FMN1: variants seen among roughly 807,000 people sequenced by gnomAD.
FMN1 encodes the protein formin 1.
A neutral mutation model predicts 132.4 loss-of-function variants in FMN1; 110 were observed. The ratio of observed to expected loss-of-function variants is 0.83; its 90% CI spans 0.71 to 0.97. FMN1 has a LOEUF of 0.97. Among genes scored for constraint, FMN1 ranks in the 50% least tolerant of loss-of-function variants. The pLI is 0.00. For missense variants in FMN1, 1,792 were observed against 1,705.3 expected, an observed-to-expected ratio of 1.05 and a Z score of -0.90; for synonymous variants, 722 against 651.7, an observed-to-expected ratio of 1.11 and a Z score of -1.64.
Position 33,154,981 on chromosome 15 carries a change from G to A in FMN1, c.-67C>T, listed in dbSNP as rs1249310167. The stretch of plus-strand genomic sequence containing the variant: ...TGGTCAGGCTTCCCAGGCTCCAGTG[G>A]TGAGGCATGTGATGGTGGCTATGCA... On this transcript the variant is annotated 5_prime_UTR_variant, in exon 4 of 21. Transcript: ENST00000616417. The A allele has an allele frequency of 7.7e-7, 1 of 1,294,558 alleles. No homozygotes were observed. Among genetic ancestry groups the A allele is most frequent in the Non-Finnish European group, 1.0e-6 (1 of 961,854 alleles). 80.2% of individuals were successfully genotyped at this position (1,294,558 alleles called of 1,614,324 possible).
chr15:32,783,744 CAAAAAAAAAAAAAAAAAAAAAAA>C (rs533699379), intron 19 of FMN1, among the ~76,000 whole-genome samples: 1 of 64,200 alleles, frequency 1.6e-5, no homozygotes, highest in Admixed American at 1.9e-4. Context: ...GACTCTGTTT[CAAAAAAAAAAAAAAAAAAAAAAA>C]AAAAAAAAAA....
intron 15 of FMN1, among the ~76,000 whole-genome samples, chr15:32,891,011 A>T (rs1381337632): frequency 1.3e-5 from 2 of 151,968 alleles, no homozygotes; most frequent in Non-Finnish European, 2.9e-5. Context: ...TTCCCACTTT[A>T]TATTTTTGTT....
At chr15:33,027,071 A>G (rs1048985357) in intron 6 of FMN1, among the ~76,000 whole-genome samples, 4 of 151,802 alleles carry the variant, frequency 2.6e-5, no homozygotes, top group African/African-American at 9.7e-5. Context: ...CCTAACAGAC[A>G]TATTTTTTTT....
chr15:33,107,360 T>C (rs2039526591), intron 4 of FMN1, among the ~76,000 whole-genome samples: 1 of 152,022 alleles, frequency 6.6e-6, no homozygotes. Flanking sequence ...CAACGATCTT[T>C]TAAAAATGTC....
Position 33,154,067 on chromosome 15 carries a change from C to T in FMN1, c.848G>A (p.Arg283Lys), listed in dbSNP as rs567138390. The part of the protein sequence containing the change: ...STEAGGDGIR[R>K]PPSGLEHQQT... ...CTGATGCTCCAGCCCGCTCGGCGGC[C>T]TCCGAATGCCATCCCCTCCTGCCTC... Residue 283 changes from arginine to lysine, a missense_variant, in exon 4 of 21, where the codon AGG becomes AAG. Coordinates refer to ENST00000616417, the MANE Select transcript of FMN1 (RefSeq NM_001277313.2). The T allele has an allele frequency of 3.4e-4, 516 of 1,536,064 alleles. 4 individuals carry two copies. The African/African-American group carries it at 6.0e-3, about 18-fold the overall frequency.
intron 5 of FMN1, among the ~76,000 whole-genome samples, chr15:33,079,201 A>G (rs1461905978): frequency 1.3e-5 from 2 of 152,212 alleles, no homozygotes; most frequent in African/African-American, 4.8e-5. Context: ...TGTATTTCTC[A>G]TCAGAATAGG....
intron 7 of FMN1, among the ~76,000 whole-genome samples, chr15:32,994,879 T>C (rs903378711): frequency 2.0e-5 from 3 of 152,346 alleles, no homozygotes; most frequent in Non-Finnish European, 2.9e-5. Context: ...TATGGACTTA[T>C]GTGCACTTTG....
chr15:32,815,221 C>T (rs1054642462), intron 17 of FMN1, among the ~76,000 whole-genome samples: 1 of 152,158 alleles, frequency 6.6e-6, no homozygotes, highest in African/African-American at 2.4e-5. Flanking sequence ...GGATTACAGG[C>T]GTGAGCCATC....
At chr15:32,819,959 T>A (rs2058165578) in intron 17 of FMN1, among the ~76,000 whole-genome samples, 1 of 152,220 alleles carries the variant, frequency 6.6e-6, no homozygotes, top group Non-Finnish European at 1.5e-5. Context: ...CTTTGATGTA[T>A]TTTTAAGATT....
chr15:32,776,744 A>G, intron 20 of FMN1, 91 bp downstream of exon 20: 1 of 685,518 alleles, frequency 1.5e-6, no homozygotes, highest in Non-Finnish European at 2.5e-6. Context: ...GAGAATCTGG[A>G]TACTATGTTT....
chr15:33,044,791 A>G lies in FMN1; in HGVS notation c.2161+20166T>C, dbSNP rs144070103. On this transcript the variant is annotated intron_variant, in intron 6 of 20. Coordinates refer to ENST00000616417, the MANE Select transcript of FMN1 (RefSeq NM_001277313.2). Reference sequence around the variant, plus strand: ...AAGACGACAGGATGACCAGCTGTACAGAGGAGCTACCCACTGTAGGTCTCC... The same window carrying G: ...AAGACGACAGGATGACCAGCTGTACGGAGGAGCTACCCACTGTAGGTCTCC... Among the ~76,000 whole-genome samples the G allele has an allele frequency of 9.6e-4, 146 of 152,324 alleles. 1 individual carries two copies. Among genetic ancestry groups the G allele is most frequent in the African/African-American group, 3.3e-3 (137 of 41,576 alleles).
intron 19 of FMN1, among the ~76,000 whole-genome samples, chr15:32,777,538 A>AC (rs373857402): frequency 0.012 from 949 of 81,486 alleles, 141 homozygotes; most frequent in African/African-American, 0.038. Context: ...ATAACATAAC[A>AC]TTTATATATT....
At chr15:32,817,316 G>A (rs1469524867) in intron 17 of FMN1, among the ~76,000 whole-genome samples, 2 of 152,204 alleles carry the variant, frequency 1.3e-5, no homozygotes, top group Non-Finnish European at 2.9e-5. Context: ...TTAGGAAACT[G>A]AATTTACATG....
chr15:33,026,326 A>G (rs1225670486), intron 6 of FMN1, among the ~76,000 whole-genome samples: 2 of 151,396 alleles, frequency 1.3e-5, no homozygotes, highest in Admixed American at 6.6e-5. Context: ...TGGTTAATAT[A>G]TAAATACTAA....
At chr15:32,904,109 A>C (rs78771128) in intron 12 of FMN1, among the ~76,000 whole-genome samples, 4,321 of 152,216 alleles carry the variant, frequency 0.028, 195 homozygotes, top group African/African-American at 0.097. Context: ...TCCCATCTTG[A>C]TAATCTGAGA....
intron 4 of FMN1, among the ~76,000 whole-genome samples, chr15:33,096,329 C>T (rs933808058): frequency 2.6e-5 from 4 of 152,148 alleles, no homozygotes; most frequent in South Asian, 2.1e-4. Context: ...CTGGTCTAGT[C>T]GTCTGTCAAT....
At chr15:32,785,428 T>G (rs1200827306) in intron 19 of FMN1, among the ~76,000 whole-genome samples, 1 of 151,512 alleles carries the variant, frequency 6.6e-6, no homozygotes, top group Non-Finnish European at 1.5e-5. Context: ...ACAACAGGTC[T>G]CAAATCATGG....
At chr15:33,008,483 ATTTTT>A (rs1212574854) in intron 6 of FMN1, among the ~76,000 whole-genome samples, 1 of 151,808 alleles carries the variant, frequency 6.6e-6, no homozygotes, top group Non-Finnish European at 1.5e-5. Flanking sequence ...AGAGCACTCT[ATTTTT>A]AACTCTGTTT....
intron 4 of FMN1, among the ~76,000 whole-genome samples, chr15:33,122,086 G>A (rs1470148250): frequency 6.6e-6 from 1 of 152,188 alleles, no homozygotes; most frequent in Non-Finnish European, 1.5e-5. Context: ...TACTACTCTG[G>A]AAGTGCAGGA....
Sources: allele counts gnomAD v4.1 joint callset (sites outside exome capture counted in the v4.1 genomes callset), GRCh38; gene constraint gnomAD v4.1.1; transcripts MANE v1.5; gene names NCBI Gene and HGNC (gene_info 2026-07-23, HGNC 2026-07-21).